LSM2: variants seen among roughly 807,000 people sequenced by gnomAD.
LSM2 encodes the protein LSM2 homolog, U6 small nuclear RNA and mRNA degradation associated.
Under a neutral mutation model 17.0 loss-of-function variants are expected in LSM2, and 12 were observed. The ratio of observed to expected loss-of-function variants is 0.70; its 90% confidence interval spans 0.45 to 1.14. LSM2 has a LOEUF of 1.14. LSM2 is among the 50% of genes most tolerant of loss of function. The probability of loss-of-function intolerance (pLI) is 0.00; values close to 1 mark genes in which losing one functional copy is unlikely to be tolerated. For missense variants in LSM2, 62 were observed against 111.8 expected, an observed-to-expected ratio of 0.55 and a Z score of 2.01; for synonymous variants, 42 against 44.5, an observed-to-expected ratio of 0.94 and a Z score of 0.22.
chr6:31,805,499 G>C (rs542980018), intron 2 of LSM2, among the ~76,000 whole-genome samples: 2 of 151,872 alleles, frequency 1.3e-5, no homozygotes, highest in African/African-American at 4.8e-5. Flanking sequence ...CGAGTAGCTG[G>C]GATTACAGGC....
At chr6:31,803,067 C>T (rs977946331) in intron 2 of LSM2, among the ~76,000 whole-genome samples, 4 of 152,166 alleles carry the variant, frequency 2.6e-5, no homozygotes, top group Non-Finnish European at 5.9e-5. Context: ...TAGTGATTAC[C>T]GTACTTGTCT....
intron 2 of LSM2, among the ~76,000 whole-genome samples, chr6:31,803,505 C>T (rs570280975): frequency 3.3e-5 from 5 of 151,504 alleles, no homozygotes; most frequent in South Asian, 2.1e-4. Context: ...ATGTGGAAGA[C>T]GCTTTTGGGA....
intron 2 of LSM2, among the ~76,000 whole-genome samples, chr6:31,802,252 C>T (rs571675023): frequency 4.0e-4 from 60 of 151,490 alleles, no homozygotes; most frequent in African/African-American, 1.1e-3. Context: ...TGCACTCCAA[C>T]CTGGGTGACA....
intron 2 of LSM2, among the ~76,000 whole-genome samples, chr6:31,801,927 G>A (rs369720975): frequency 6.6e-6 from 1 of 152,096 alleles, no homozygotes; most frequent in East Asian, 1.9e-4. Context: ...CTTGAGTCCA[G>A]GAGTTCAAGA....
chr6:31,798,118 G>A (rs1381666212), intron 3 of LSM2, 69 bp from the exon 4 acceptor site: 1 of 1,354,086 alleles, frequency 7.4e-7, no homozygotes, highest in East Asian at 2.6e-5. Context: ...TTTTGCTCTT[G>A]TTGCCCAGGC....
intron 2 of LSM2, among the ~76,000 whole-genome samples, chr6:31,799,425 C>T (rs1814569804): frequency 6.6e-6 from 1 of 151,960 alleles, no homozygotes; most frequent in Non-Finnish European, 1.5e-5. Flanking sequence ...GGCACAATCT[C>T]GGCTCACTGA....
In LSM2 at chr6:31,806,074, C is replaced by A. The variant is rs768120418; in HGVS notation, c.71+1G>T. On this transcript the variant is annotated splice_donor_variant, in intron 2 of 4. Coordinates refer to ENST00000375661, the MANE Select transcript of LSM2 (RefSeq NM_021177.5). LOFTEE classifies it high-confidence loss of function. ...ACAGACTTGTTGGAACAGGTACCTA[C>A]CTCAGGTCATTCTTTAGTTCCACGA... is the stretch of plus-strand genomic sequence containing the variant. The A allele has an allele frequency of 9.3e-6, 15 of 1,612,694 alleles. No homozygotes were observed. The highest frequency in any genetic ancestry group is 8.0e-5 in the African/African-American group (6 of 74,924).
At chr6:31,804,359 CAAAA>C (rs1169315674) in intron 2 of LSM2, among the ~76,000 whole-genome samples, 1 of 84,450 alleles carries the variant, frequency 1.2e-5, no homozygotes. Context: ...AACTCCATCT[CAAAA>C]AAAAAAAAAA....
chr6:31,798,399 C>CCCAAGGGTTAATA, intron 3 of LSM2, 78 bp downstream of exon 3: 1 of 1,545,192 alleles, frequency 6.5e-7, no homozygotes, highest in Non-Finnish European at 8.9e-7. Flanking sequence ...ACCCTAGAGA[C>CCCAAGGGTTAATA]ATGATGTAAG....
intron 2 of LSM2, among the ~76,000 whole-genome samples, chr6:31,800,508 T>C (rs1300397873): frequency 6.6e-6 from 1 of 151,886 alleles, no homozygotes; most frequent in Non-Finnish European, 1.5e-5. Context: ...ATCCCAGAAC[T>C]TTAGGAGGCC....
chr6:31,804,371 AAAAG>A (rs1419294725), intron 2 of LSM2, among the ~76,000 whole-genome samples: 16 of 152,146 alleles, frequency 1.1e-4, no homozygotes, highest in Admixed American at 5.2e-4. Context: ...AAAAAAAAAA[AAAAG>A]AAAGAAAAAA....
chr6:31,799,931 C>T (rs965281036), intron 2 of LSM2, among the ~76,000 whole-genome samples: 2 of 152,148 alleles, frequency 1.3e-5, no homozygotes, highest in Non-Finnish European at 1.5e-5. Flanking sequence ...TGGTTGTTCA[C>T]GCCTATAATC....
At chr6:31,798,867 G>C (rs1814542409) in intron 2 of LSM2, among the ~76,000 whole-genome samples, 1 of 150,342 alleles carries the variant, frequency 6.7e-6, no homozygotes, top group Non-Finnish European at 1.5e-5. Flanking sequence ...CTCCTGAGTA[G>C]CTAGGACTTC....
intron 2 of LSM2, 59 bp from the exon 3 acceptor site, chr6:31,798,566 G>A: frequency 3.2e-6 from 5 of 1,580,654 alleles, no homozygotes; most frequent in South Asian, 1.1e-5. Context: ...CAACATAGAG[G>A]TGACTTCAGA....
chr6:31,802,514 G>A (rs1042095397), intron 2 of LSM2, among the ~76,000 whole-genome samples: 2 of 151,938 alleles, frequency 1.3e-5, no homozygotes, highest in Non-Finnish European at 2.9e-5. Context: ...ATAATCACTT[G>A]AACCAGGGAG....
Position 31,797,776 on chromosome 6 carries a change from G to T in LSM2, c.269C>A (p.Ala90Asp). Residue 90 changes from alanine (A) to aspartate (D), a missense_variant, in exon 5 of 5, where the codon GCC becomes GAC. Physicochemically the swap from Ala to Asp is moderately radical, Grantham distance 126. Coordinates refer to ENST00000375661, the MANE Select transcript of LSM2 (RefSeq NM_021177.5). ...QLLQDAARKE[A>D]LQQKQ The stretch of plus-strand genomic sequence containing the variant: ...GAGCCATCACTGTTTCTGCTGCAGG[G>T]CTTCCTTCCTTGCCGCATCCTGTAG... 6.2e-7 allele frequency: 1 copy of T among 1,612,956 alleles called. No homozygotes were observed.
intron 2 of LSM2, among the ~76,000 whole-genome samples, chr6:31,805,653 C>T (rs1814990871): frequency 6.6e-6 from 1 of 151,776 alleles, no homozygotes; most frequent in Admixed American, 6.6e-5. Flanking sequence ...ATGAGCCACA[C>T]GTCCAGCCCG....
intron 2 of LSM2, among the ~76,000 whole-genome samples, chr6:31,802,206 G>T (rs1390013503): frequency 6.6e-6 from 1 of 151,954 alleles, no homozygotes; most frequent in South Asian, 2.1e-4. Flanking sequence ...CTTGAACCCA[G>T]GCAGCAGAGG....
intron 1 of LSM2, chr6:31,806,401 T>C: frequency 1.7e-6 from 1 of 600,872 alleles, no homozygotes; most frequent in Non-Finnish European, 2.9e-6. Context: ...CTGTGCTCTC[T>C]CAGTCGACCA....
Sources: allele counts gnomAD v4.1 joint callset (sites outside exome capture counted in the v4.1 genomes callset), GRCh38; gene constraint gnomAD v4.1.1; transcripts MANE v1.5; gene names NCBI Gene and HGNC (gene_info 2026-07-23, HGNC 2026-07-21).